The following ZNF227 variants were observed in gnomAD, a reference collection of about 807,000 sequenced individuals.
The protein encoded by ZNF227 is zinc finger protein 227.
A neutral mutation model predicts 13.2 loss-of-function variants in ZNF227; 12 were observed. The observed-to-expected ratio is 0.91, with a 90% CI of 0.58 to 1.47. ZNF227 has a LOEUF of 1.47. Among genes scored for constraint, ZNF227 ranks in the 40% most tolerant of loss-of-function variants. ZNF227 has a pLI of 0.00. For synonymous variants in ZNF227, 338 were observed against 326.0 expected (o/e 1.04, Z -0.40); for missense variants, 885 against 967.5 (o/e 0.91, Z 1.13).
chr19:44,219,032 C>T (rs1457147916), intron 3 of ZNF227, among the ~76,000 whole-genome samples: 2 of 152,202 alleles, frequency 1.3e-5, no homozygotes, highest in Non-Finnish European at 2.9e-5. Context: ...GGATTACAGG[C>T]ATGTACCAGC....
rs768817642 is a variant in ZNF227, at chr19:44,217,816, T to G, written c.24T>G (p.Leu8=). Residue 8 remains leucine, a synonymous_variant, in exon 3 of 6, where the codon CTT becomes CTG. Coordinates refer to ENST00000313040, the MANE Select transcript of ZNF227 (RefSeq NM_182490.3). MPSQNYD[L]PQKKQEKMTK... is the part of the protein sequence containing the mutation. ...TTATGCCATCTCAGAACTATGACCT[T>G]CCCCAGAAGAAGCAGGAGAAAATGA... is the stretch of plus-strand genomic sequence containing the variant. The G allele has an allele frequency of 5.6e-6, 9 of 1,614,126 alleles. No homozygotes were observed. The East Asian group carries it at 2.0e-4, about 36-fold the overall frequency.
rs553136522 is a variant in ZNF227 at position 44,231,395 on chromosome 19, G to T, written c.271+1579G>T. Among the ~76,000 whole-genome samples the T allele has an allele frequency of 2.0e-5, 3 of 152,098 alleles. No individual in the cohort carries two copies. In the South Asian group the frequency reaches 6.2e-4, roughly 32 times the overall value. ...GTGTCACCCAGGCTGGAGTGCAGTG[G>T]CATGATCTTGGCTCACTGCAACCTT... On this transcript the variant is annotated intron_variant, in intron 5 of 5. Transcript: ENST00000313040.
chr19:44,234,964 C>T lies in ZNF227; in HGVS notation c.534C>T (p.Cys178=), dbSNP rs199673102. ...CATTTTGGAGAACCCAGCATTCTTG[C>T]GGGAATACATATCTGAGTGAGTCAC... ...EFPFWRTQHS[C]GNTYLSESQI... The change falls in exon 6 of 6, where the codon TGC becomes TGT. Residue 178 remains cysteine (C), a synonymous_variant. Coordinates refer to ENST00000313040, the MANE Select transcript of ZNF227 (RefSeq NM_182490.3). 1.6e-4 allele frequency: 259 copies of T among 1,613,850 alleles called. 2 individuals carry two copies. In the Middle Eastern group the frequency reaches 2.3e-3, roughly 14 times the overall value.
chr19:44,224,002 C>G (rs1026578461), intron 3 of ZNF227, among the ~76,000 whole-genome samples: 3 of 152,182 alleles, frequency 2.0e-5, no homozygotes, highest in Non-Finnish European at 4.4e-5. Context: ...ATCTTTATTT[C>G]TGCCTTCATT....
At chr19:44,225,534 T>G (rs1433919774) in intron 3 of ZNF227, among the ~76,000 whole-genome samples, 1 of 152,222 alleles carries the variant, frequency 6.6e-6, no homozygotes, top group Admixed American at 6.5e-5. Flanking sequence ...CCATCACTGA[T>G]ACCCTTTCTT....
At position 44,235,674 on chromosome 19, in the gene ZNF227, AG is replaced by A. The variant is rs757574829; in HGVS notation, c.1247del (p.Gly416AlafsTer36). 34 of 1,613,984 alleles carry A rather than the reference AG, an allele frequency of 2.1e-5. No homozygotes were observed. Among genetic ancestry groups the A allele is most frequent in the Non-Finnish European group, 2.9e-5 (34 of 1,180,020 alleles). On this transcript the variant is annotated frameshift_variant, in exon 6 of 6. Transcript: ENST00000313040. LOFTEE classifies it low-confidence loss of function (END_TRUNC). ...CCCTATAAATGTGAGGAATGTGGTA[AG>A]GGCTTCACTCAGGCTGCACATTTTC... Reference protein sequence around the residue: ...EKPYKCEECGKGFTQAAHFHI... With the variant: ...EKPYKCEECGXGFTQAAHFHI...
chr19:44,233,092 T>G (rs1463697013), intron 5 of ZNF227, among the ~76,000 whole-genome samples: 1 of 152,148 alleles, frequency 6.6e-6, no homozygotes. Context: ...TGTAGACACC[T>G]GTTGCTATTT....
chr19:44,222,718 A>G (rs921763242), intron 3 of ZNF227, among the ~76,000 whole-genome samples: 3 of 149,928 alleles, frequency 2.0e-5, no homozygotes, highest in African/African-American at 7.3e-5. Context: ...AACAGGGACA[A>G]TTTGACTTCC....
At chr19:44,210,303 A>C (rs1351091029), upstream of ZNF227, among the ~76,000 whole-genome samples, 4 of 152,186 alleles carry the variant, frequency 2.6e-5, no homozygotes, top group Non-Finnish European at 2.9e-5. Context: ...CCTGAGGTTA[A>C]CATTTGCTAA....
At position 44,235,765 on chromosome 19, in the gene ZNF227, C is replaced by T. The variant is rs778367082; in HGVS notation, c.1335C>T (p.Phe445=). ...AGTGTGATGTGTGTGGTAAGGGCTT[C>T]AGCCACAATTCACCATTAATATGCC... is the stretch of plus-strand genomic sequence containing the variant. ...PYKCDVCGKG[F]SHNSPLICHR... Residue 445 remains phenylalanine, a synonymous_variant, in exon 6 of 6, where the codon TTC becomes TTT. Coordinates refer to ENST00000313040, the MANE Select transcript of ZNF227 (RefSeq NM_182490.3). 4 of 1,613,836 alleles carry T rather than the reference C, an allele frequency of 2.5e-6. No individual in the cohort carries two copies. Among genetic ancestry groups the T allele is most frequent in the East Asian group, 2.2e-5 (1 of 44,860 alleles).
At chr19:44,217,082 C>T (rs1971970359) in intron 2 of ZNF227, among the ~76,000 whole-genome samples, 1 of 151,592 alleles carries the variant, frequency 6.6e-6, no homozygotes, top group African/African-American at 2.4e-5. Context: ...CATGCCTCAG[C>T]CTCCCAAGTA....
chr19:44,213,619 T>C (rs1030825483), intron 2 of ZNF227: 1 of 152,206 alleles, frequency 6.6e-6, no homozygotes, highest in Non-Finnish European at 1.5e-5. Flanking sequence ...GTTTCTTTGG[T>C]TTTTGTTGTT....
intron 5 of ZNF227, among the ~76,000 whole-genome samples, chr19:44,234,484 T>A (rs561726525): frequency 1.3e-5 from 2 of 152,294 alleles, no homozygotes; most frequent in South Asian, 4.1e-4. Flanking sequence ...ACATGGATCA[T>A]GTTTATACTT....
intron 3 of ZNF227, among the ~76,000 whole-genome samples, chr19:44,225,039 C>T (rs562456580): frequency 6.6e-6 from 1 of 151,434 alleles, no homozygotes; most frequent in African/African-American, 2.4e-5. Flanking sequence ...CTTAGTTTGG[C>T]TGGATATGAA....
chr19:44,214,286 C>G (rs969762301), intron 2 of ZNF227, among the ~76,000 whole-genome samples: 1 of 151,894 alleles, frequency 6.6e-6, no homozygotes, highest in Admixed American at 6.6e-5. Context: ...TAATGTGTTT[C>G]CCTTTAGTAT....
At chr19:44,219,786 T>A (rs930129024) in intron 3 of ZNF227, among the ~76,000 whole-genome samples, 1 of 151,106 alleles carries the variant, frequency 6.6e-6, no homozygotes, top group South Asian at 2.1e-4. Flanking sequence ...TTTATTTATT[T>A]ATTATTATTA....
chr19:44,235,004 G>C lies in ZNF227; in HGVS notation c.574G>C (p.Gly192Arg), dbSNP rs1227298662. The change falls in exon 6 of 6, where the codon GGT becomes CGT. Residue 192 changes from glycine (G) to arginine (R), a missense_variant. Transcript: ENST00000313040. ...GAGTGAGTCACAGATTCAGAGTAGA[G>C]GTAAGCAAATTGATGTGAAAAATAA... ...YLSESQIQSR[G>R]KQIDVKNNLQ... 1 of 1,614,008 alleles carries C rather than the reference G, an allele frequency of 6.2e-7. No individual in the cohort carries two copies. Among genetic ancestry groups the C allele is most frequent in the African/African-American group, 1.3e-5 (1 of 74,912 alleles).
rs1270391986 is a variant in ZNF227, at chr19:44,236,944, C to CACTT, written c.*115_*118dup. On this transcript the variant is annotated 3_prime_UTR_variant, in exon 6 of 6. Coordinates refer to ENST00000313040, the MANE Select transcript of ZNF227 (RefSeq NM_182490.3). ...CTGAGAGTGGAAGGGGGTTTGTTCA[C>CACTT]ACTTGGAATCTTTCTAACAAATCCA... is the stretch of plus-strand genomic sequence containing the variant. 19 of 775,708 alleles carry CACTT rather than the reference C, an allele frequency of 2.4e-5. No individual in the cohort carries two copies. The East Asian group carries it at 4.0e-4, about 17-fold the overall frequency. The allele number at this position is 775,708 out of a possible 1,614,324, so 48.1% of individuals were successfully genotyped here. A position where few individuals can be genotyped will look rare whatever the true frequency, so the allele number is the denominator to read the frequency against.
intron 5 of ZNF227, among the ~76,000 whole-genome samples, chr19:44,231,659 A>C (rs1973855914): frequency 2.0e-5 from 3 of 152,218 alleles, no homozygotes; most frequent in Admixed American, 6.5e-5. Context: ...AGAATTCTTA[A>C]CAAAAAACTT....
Sources: allele counts gnomAD v4.1 joint callset (sites outside exome capture counted in the v4.1 genomes callset), GRCh38; gene constraint gnomAD v4.1.1; transcripts MANE v1.5; gene names NCBI Gene and HGNC (gene_info 2026-07-23, HGNC 2026-07-21).